AFF3: variants seen among roughly 807,000 people sequenced by gnomAD.
The protein encoded by AFF3 is ALF transcription elongation factor 3, also known as AF4/FMR2 family member 3.
In AFF3, 32 loss-of-function variants were observed where a neutral mutation model predicts 129.7. The ratio of observed to expected loss-of-function variants is 0.25; its 90% CI spans 0.19 to 0.33. AFF3 has a LOEUF of 0.33. AFF3 is among the 10% of genes least tolerant of loss of function. The probability of loss-of-function intolerance (pLI) is 1.00; values close to 1 mark genes in which losing one functional copy is unlikely to be tolerated. For missense variants in AFF3, 1,373 were observed against 1,592.0 expected, an observed-to-expected ratio of 0.86 and a Z score of 2.34; for synonymous variants, 644 against 635.4, an observed-to-expected ratio of 1.01 and a Z score of -0.20.
intron 7 of AFF3, among the ~76,000 whole-genome samples, chr2:99,888,145 T>C (rs2106059849): frequency 6.6e-6 from 1 of 152,280 alleles, no homozygotes. Flanking sequence ...GACGAAAAAG[T>C]ATATTCCCAA....
intron 12 of AFF3, among the ~76,000 whole-genome samples, chr2:99,650,657 AACTGCTG>A (rs1272364363): frequency 2.0e-5 from 3 of 152,158 alleles, no homozygotes; most frequent in Admixed American, 6.6e-5. Context: ...TTGGGCTGAG[AACTGCTG>A]ACGTTAGGCG....
Position 99,582,946 on chromosome 2 carries a change from G to C in AFF3, c.2645C>G (p.Pro882Arg). The C allele has an allele frequency of 6.2e-7, 1 of 1,614,136 alleles. No individual in the cohort carries two copies. Among genetic ancestry groups the C allele is most frequent in the Non-Finnish European group, 8.5e-7 (1 of 1,180,042 alleles). The change falls in exon 17 of 25, where the codon CCC becomes CGC. Residue 882 changes from proline to arginine, a missense_variant. Coordinates refer to ENST00000672756, the MANE Select transcript of AFF3 (RefSeq NM_001386135.1). ...NEKMLRSPIS[P>R]LSDASKHKYT... ...TTTGTGTTTAGATGCATCAGAGAGGGGTGAGATGGGCGACCGAAGCATTTT... is the reference window on the plus strand; with the variant it reads ...TTTGTGTTTAGATGCATCAGAGAGGCGTGAGATGGGCGACCGAAGCATTTT...
At chr2:99,882,933 C>T (rs1358702208) in intron 7 of AFF3, among the ~76,000 whole-genome samples, 1 of 152,128 alleles carries the variant, frequency 6.6e-6, no homozygotes, top group Non-Finnish European at 1.5e-5. Context: ...GGGCCCGGTG[C>T]AGTTTAAGTG....
intron 11 of AFF3, among the ~76,000 whole-genome samples, chr2:99,713,268 ATTTTT>A (rs3073380): frequency 1.6e-5 from 2 of 126,274 alleles, no homozygotes; most frequent in Non-Finnish European, 1.7e-5. Context: ...GCCAGAGTTA[ATTTTT>A]TTTTTTTTTT....
chr2:99,627,931 T>A (rs985363585), intron 13 of AFF3, among the ~76,000 whole-genome samples: 9 of 51,384 alleles, frequency 1.8e-4, no homozygotes, highest in African/African-American at 8.9e-4. Context: ...GTGTCTGTTT[T>A]TGTACCAGTA....
At chr2:99,708,074 G>A (rs1214159172) in intron 11 of AFF3, among the ~76,000 whole-genome samples, 1 of 152,080 alleles carries the variant, frequency 6.6e-6, no homozygotes, top group African/African-American at 2.4e-5. Context: ...TTTAGCATAA[G>A]TATGTCCCAA....
intron 8 of AFF3, among the ~76,000 whole-genome samples, chr2:99,818,876 T>C (rs1050746092): frequency 2.6e-5 from 4 of 152,216 alleles, no homozygotes; most frequent in Non-Finnish European, 4.4e-5. Flanking sequence ...TAGCCATATA[T>C]ACATACTTAT....
At chr2:99,765,399 CCT>C (rs1682927767) in intron 8 of AFF3, among the ~76,000 whole-genome samples, 1 of 152,170 alleles carries the variant, frequency 6.6e-6, no homozygotes, top group African/African-American at 2.4e-5. Context: ...CAATAAAACC[CCT>C]GTCGCAATTG....
chr2:99,694,103 T>A (rs904229723), intron 11 of AFF3, among the ~76,000 whole-genome samples: 1 of 151,862 alleles, frequency 6.6e-6, no homozygotes, highest in Non-Finnish European at 1.5e-5. Flanking sequence ...TTTTTAGTAG[T>A]GGCCAGCTGG....
intron 4 of AFF3, among the ~76,000 whole-genome samples, chr2:100,071,181 A>G (rs1688151479): frequency 6.6e-6 from 1 of 152,222 alleles, no homozygotes; most frequent in South Asian, 2.1e-4. Flanking sequence ...CTTGTCAACC[A>G]GGGTCTAACA....
intron 11 of AFF3, among the ~76,000 whole-genome samples, chr2:99,715,981 C>T (rs983451937): frequency 3.9e-4 from 60 of 152,044 alleles, no homozygotes; most frequent in African/African-American, 1.1e-3. Flanking sequence ...CTCAAATCTT[C>T]ATTTATTCTT....
At chr2:100,109,853 T>TCTGGTAATTACCAGTAAATACCAGTAATA (rs1691455324) in intron 2 of AFF3, 1 of 152,216 alleles carries the variant, frequency 6.6e-6, no homozygotes, top group Non-Finnish European at 1.5e-5. Flanking sequence ...GGTATGGTAT[T>TCTGGTAATTACCAGTAAATACCAGTAATA]ACTGGTAGCT....
intron 7 of AFF3, among the ~76,000 whole-genome samples, chr2:99,867,713 A>G (rs563298422): frequency 6.6e-6 from 1 of 151,974 alleles, no homozygotes; most frequent in Admixed American, 6.6e-5. Flanking sequence ...TATCCCCCCA[A>G]TCCCCGGGAG....
rs78920138 is a variant in AFF3 at position 99,881,733 on chromosome 2, G to A, written c.874-44209C>T. ...GGAAACCCTCAATGGAAAAGGATTA[G>A]TGAAAATTTCAAACAGCTTTAGTTT... On this transcript the variant is annotated intron_variant, in intron 7 of 24. Transcript: ENST00000672756. 5.6e-3 allele frequency among the ~76,000 whole-genome samples: 848 copies of A among 152,334 alleles called. 1 individual carries two copies. Among genetic ancestry groups the A allele is most frequent in the African/African-American group, 0.02 (819 of 41,572 alleles).
intron 7 of AFF3, among the ~76,000 whole-genome samples, chr2:99,855,019 T>C (rs1409148173): frequency 6.6e-6 from 1 of 152,056 alleles, no homozygotes; most frequent in African/African-American, 2.4e-5. Flanking sequence ...CAGACCTAAA[T>C]ATAAGAGCCA....
chr2:99,980,597 T>C (rs948661253), intron 7 of AFF3, among the ~76,000 whole-genome samples: 1 of 152,216 alleles, frequency 6.6e-6, no homozygotes, highest in Non-Finnish European at 1.5e-5. Flanking sequence ...GAGAGCCAGG[T>C]ATTTTCTTTT....
chr2:100,052,498 T>C (rs1686420724), intron 4 of AFF3, among the ~76,000 whole-genome samples: 1 of 152,076 alleles, frequency 6.6e-6, no homozygotes, highest in Non-Finnish European at 1.5e-5. Flanking sequence ...CTTCTAGAAC[T>C]ACCCTGGCTT....
chr2:100,041,006 T>A (rs576186076), intron 4 of AFF3, among the ~76,000 whole-genome samples: 4 of 152,306 alleles, frequency 2.6e-5, no homozygotes, highest in African/African-American at 9.6e-5. Context: ...CCTGAGCAAG[T>A]CAATGCAGAG....
At chr2:100,121,988 G>T (rs1286768678) in intron 2 of AFF3, among the ~76,000 whole-genome samples, 1 of 152,180 alleles carries the variant, frequency 6.6e-6, no homozygotes, top group African/African-American at 2.4e-5. Context: ...CGTGAACCCG[G>T]GAAGCGGAGC....
Sources: allele counts gnomAD v4.1 joint callset (sites outside exome capture counted in the v4.1 genomes callset), GRCh38; gene constraint gnomAD v4.1.1; transcripts MANE v1.5; gene names NCBI Gene and HGNC (gene_info 2026-07-23, HGNC 2026-07-21).